The following MTHFSD variants were observed in gnomAD, a reference collection of about 807,000 sequenced individuals.
MTHFSD encodes methenyltetrahydrofolate synthetase domain containing.
Under a neutral mutation model 31.1 loss-of-function variants are expected in MTHFSD, and 37 were observed. The ratio of observed to expected loss-of-function variants is 1.19; its 90% CI spans 0.91 to 1.56. MTHFSD has a LOEUF of 1.56. MTHFSD is among the 40% of genes most tolerant of loss of function. The pLI is 0.00. For missense variants in MTHFSD, 664 were observed against 510.1 expected, an observed-to-expected ratio of 1.30 and a Z score of -2.91; for synonymous variants, 221 against 206.9, an observed-to-expected ratio of 1.07 and a Z score of -0.59.
chr16:86,547,199 T>C lies in MTHFSD; in HGVS notation c.352-550A>G, dbSNP rs28718383. The stretch of plus-strand genomic sequence containing the variant: ...AATCCTGAAGGCCACTATCTTTATG[T>C]ACAATATACTCGCTTCTAAAAAATT... On this transcript the variant is annotated intron_variant, in intron 4 of 7. Transcript: ENST00000360900. 1,443 of 986,882 alleles carry C rather than the reference T, an allele frequency of 1.5e-3. 20 individuals carry two copies. In the African/African-American group the frequency reaches 0.024, roughly 16 times the overall value. The allele number at this position is 986,882 out of a possible 1,614,324, so 61.1% of individuals were successfully genotyped here.
At chr16:86,548,260 T>C in intron 4 of MTHFSD, 1 of 921,504 alleles carries the variant, frequency 1.1e-6, no homozygotes, top group South Asian at 1.7e-5. Context: ...AAATAGAAAC[T>C]GAGTTACAGA....
chr16:86,548,504 C>G lies in MTHFSD; in HGVS notation c.311G>C (p.Gly104Ala), dbSNP rs1445792591. 1.2e-5 allele frequency: 19 copies of G among 1,613,738 alleles called. No individual in the cohort carries two copies. Among genetic ancestry groups the G allele is most frequent in the Non-Finnish European group, 1.6e-5 (19 of 1,179,918 alleles). ...GLFNKITPPPGATKDILRKCA... is the reference protein window; with the variant it reads ...GLFNKITPPPAATKDILRKCA... ...TTTTCTCAAGATGTCTTTAGTTGCCCCAGGGGGTGGTGTGATCTTATTAAA... is the reference window on the plus strand; with the variant it reads ...TTTTCTCAAGATGTCTTTAGTTGCCGCAGGGGGTGGTGTGATCTTATTAAA... Residue 104 changes from glycine to alanine, a missense_variant, in exon 4 of 8, where the codon GGG becomes GCG. Gly to Ala is a moderately conservative substitution (Grantham distance 60). Transcript: ENST00000360900.
rs1222657426 is a variant in MTHFSD at position 86,537,976 on chromosome 16, T to G, written c.681+3721A>C. Among the ~76,000 whole-genome samples the G allele has an allele frequency of 2.6e-5, 4 of 152,258 alleles. No homozygotes were observed. In the East Asian group the frequency reaches 7.7e-4, roughly 29 times the overall value. On this transcript the variant is annotated intron_variant, in intron 7 of 7. Transcript: ENST00000360900. ...GTAATCAGGAGCCATGTGCTGATGG[T>G]GAGGAGCACAGGACGGGTGAGAAGA...
At chr16:86,546,026 C>G (rs1233586157) in intron 5 of MTHFSD, among the ~76,000 whole-genome samples, 3 of 152,228 alleles carry the variant, frequency 2.0e-5, no homozygotes, top group Admixed American at 1.3e-4. Context: ...GCCTTGTGGA[C>G]CGAGAGCAGC....
chr16:86,552,203 T>C, intron 2 of MTHFSD, 57 bp from the exon 3 acceptor site: 1 of 1,613,880 alleles, frequency 6.2e-7, no homozygotes. Flanking sequence ...AGCGAGCACT[T>C]TTCTGGGGGG....
intron 7 of MTHFSD, among the ~76,000 whole-genome samples, chr16:86,534,768 C>T (rs900788928): frequency 8.5e-5 from 13 of 152,194 alleles, no homozygotes; most frequent in Admixed American, 2.6e-4. Context: ...GAGTACAGCA[C>T]CAGAAGCCTT....
chr16:86,554,903 C>G, intron 1 of MTHFSD, 152 bp from the exon 2 acceptor site: 1 of 1,069,016 alleles, frequency 9.4e-7, no homozygotes, highest in Non-Finnish European at 1.3e-6. Flanking sequence ...TCAAGGGGCC[C>G]ACGGGCTCCC....
chr16:86,552,028 A>T lies in MTHFSD; in HGVS notation c.237+5T>A. 6.2e-7 allele frequency: 1 copy of T among 1,614,154 alleles called. No homozygotes were observed. Among genetic ancestry groups the T allele is most frequent in the East Asian group, 2.2e-5 (1 of 44,876 alleles). ...TCTCGGCTCGGCTCAGGGAAGTGGAATTACCTGCAGCACCAGCAGCCGAAC... is the reference window on the plus strand; with the variant it reads ...TCTCGGCTCGGCTCAGGGAAGTGGATTTACCTGCAGCACCAGCAGCCGAAC... On this transcript the variant is annotated splice_donor_5th_base_variant and intron_variant, in intron 3 of 7. Coordinates refer to ENST00000360900, the MANE Select transcript of MTHFSD (RefSeq NM_001159377.2).
rs1306640864 is a variant in MTHFSD at position 86,531,019 on chromosome 16, GCGCGTGCACGGGC to G, written c.*979_*991del. ...GTGTCCCGAGAACATTTTCTTGAAA[GCGCGTGCACGGGC>G]CGCCCTCTCGAGGCATCGTAATGTG... is the stretch of plus-strand genomic sequence containing the variant. On this transcript the variant is annotated 3_prime_UTR_variant, in exon 8 of 8. Transcript: ENST00000360900. This position sits in a 1 kb window ranked among gnomAD's most constrained non-coding sequence, Gnocchi z 5.5. 6.6e-6 allele frequency: 1 copy of G among 152,204 alleles called. No homozygotes were observed. Among genetic ancestry groups the G allele is most frequent in the Non-Finnish European group, 1.5e-5 (1 of 68,052 alleles). The allele number at this position is 152,204 out of a possible 1,614,324, so 9.4% of individuals were successfully genotyped here.
chr16:86,532,562 A>G (rs1173944756), intron 7 of MTHFSD, 81 bp from the exon 8 acceptor site: 1 of 1,168,950 alleles, frequency 8.6e-7, no homozygotes, highest in East Asian at 3.0e-5. Flanking sequence ...ACCTCTGACT[A>G]CTGGCTGTGC....
chr16:86,543,227 A>G (rs527248164), intron 5 of MTHFSD, among the ~76,000 whole-genome samples: 11 of 152,368 alleles, frequency 7.2e-5, no homozygotes, highest in African/African-American at 2.6e-4. Context: ...TCACTAGCGG[A>G]CTGCTCAAAG....
chr16:86,531,916 G>T lies in MTHFSD; in HGVS notation c.*95C>A. 1.2e-6 allele frequency: 1 copy of T among 846,520 alleles called. No homozygotes were observed. The highest frequency in any genetic ancestry group is 1.7e-6 in the Non-Finnish European group (1 of 596,986). The allele number at this position is 846,520 out of a possible 1,614,324, so 52.4% of individuals were successfully genotyped here. A position where few individuals can be genotyped will look rare whatever the true frequency, so the allele number is the denominator to read the frequency against. ...GCAGCTCAGGCGGTGGCTCCGACACGTCTTGCCACGCAGGCCTCTCGAGTG... is the reference window on the plus strand; with the variant it reads ...GCAGCTCAGGCGGTGGCTCCGACACTTCTTGCCACGCAGGCCTCTCGAGTG... On this transcript the variant is annotated 3_prime_UTR_variant, in exon 8 of 8. Coordinates refer to ENST00000360900, the MANE Select transcript of MTHFSD (RefSeq NM_001159377.2). The surrounding 1 kb of genome is among the most constrained non-coding windows in gnomAD (Gnocchi z 5.5).
chr16:86,540,609 C>T (rs2143555310), intron 7 of MTHFSD: 1 of 923,842 alleles, frequency 1.1e-6, no homozygotes, highest in African/African-American at 1.8e-5. Flanking sequence ...CATCCCTGTT[C>T]TCGGCTCTGA....
Position 86,546,554 on chromosome 16 carries a change from C to T in MTHFSD, c.442+5G>A, listed in dbSNP as rs757236021. 1 of 1,613,748 alleles carries T rather than the reference C, an allele frequency of 6.2e-7. No homozygotes were observed. Among genetic ancestry groups the T allele is most frequent in the Non-Finnish European group, 8.5e-7 (1 of 1,179,814 alleles). ...CACTCAAGGGTTCCCATCTGCTAGTCTTACCTTTTTCAGAAACGGCGACGG... is the reference window on the plus strand; with the variant it reads ...CACTCAAGGGTTCCCATCTGCTAGTTTTACCTTTTTCAGAAACGGCGACGG... On this transcript the variant is annotated splice_donor_5th_base_variant and intron_variant, in intron 5 of 7. Transcript: ENST00000360900.
chr16:86,542,463 C>A lies in MTHFSD; in HGVS notation c.443-250G>T. The A allele has an allele frequency of 2.2e-6, 1 of 456,512 alleles. No homozygotes were observed. The highest frequency in any genetic ancestry group is 3.9e-6 in the Non-Finnish European group (1 of 256,546). 28.3% of individuals were successfully genotyped at this position (456,512 alleles called of 1,614,324 possible). A position where few individuals can be genotyped will look rare whatever the true frequency, so the allele number is the denominator to read the frequency against. Reference sequence around the variant, plus strand: ...AACTACAATGACGTGAACACTGGACCGTTCAAGCATGTCACAAAGGGAAAC... The same window carrying A: ...AACTACAATGACGTGAACACTGGACAGTTCAAGCATGTCACAAAGGGAAAC... On this transcript the variant is annotated intron_variant, in intron 5 of 7. Coordinates refer to ENST00000360900, the MANE Select transcript of MTHFSD (RefSeq NM_001159377.2). This position sits in a 1 kb window ranked among gnomAD's most constrained non-coding sequence, Gnocchi z 4.6.
In MTHFSD at chr16:86,532,398, G is replaced by A. The variant is rs564107454; in HGVS notation, c.765C>T (p.Leu255=). 8 of 1,541,732 alleles carry A rather than the reference G, an allele frequency of 5.2e-6. No individual in the cohort carries two copies. Among genetic ancestry groups the A allele is most frequent in the Non-Finnish European group, 7.0e-6 (8 of 1,145,968 alleles). Residue 255 remains leucine, a synonymous_variant, in exon 8 of 8, where the codon CTC becomes CTT. Transcript: ENST00000360900. ...CCGGAAGGTGCTGGTGCTCACCCTG[G>A]AGGGTGACATCCTTCCCAGCCTGCT... The part of the protein sequence containing the change: ...REQQAGKDVT[L]QGEHQHLPEP...
intron 7 of MTHFSD, chr16:86,533,852 T>C (rs1210976172): frequency 3.3e-5 from 5 of 152,250 alleles, no homozygotes; most frequent in African/African-American, 1.2e-4. Context: ...GCCAAGTGCA[T>C]TCCTGCAAAC....
rs186346496 is a variant in MTHFSD at position 86,531,128 on chromosome 16, A to T, written c.*883T>A. 12 of 152,360 alleles carry T rather than the reference A, an allele frequency of 7.9e-5. No homozygotes were observed. The East Asian group carries it at 2.3e-3, about 29-fold the overall frequency. 9.4% of individuals were successfully genotyped at this position (152,360 alleles called of 1,614,324 possible). ...TTCCAAAGCATATACATTTGAAAAAAACAAAATCTCCACTTAAAAGCTTAT... is the reference window on the plus strand; with the variant it reads ...TTCCAAAGCATATACATTTGAAAAATACAAAATCTCCACTTAAAAGCTTAT... On this transcript the variant is annotated 3_prime_UTR_variant, in exon 8 of 8. Transcript: ENST00000360900. The surrounding 1 kb of genome is among the most constrained non-coding windows in gnomAD (Gnocchi z 5.5).
chr16:86,553,970 C>G (rs960752962), intron 2 of MTHFSD, among the ~76,000 whole-genome samples: 1 of 152,188 alleles, frequency 6.6e-6, no homozygotes, highest in Non-Finnish European at 1.5e-5. Flanking sequence ...ACTTTTGTGT[C>G]TAGCTCAGGG....
Sources: allele counts gnomAD v4.1 joint callset (sites outside exome capture counted in the v4.1 genomes callset), GRCh38; gene constraint gnomAD v4.1.1; non-coding constraint Gnocchi (gnomAD v3.1); transcripts MANE v1.5; gene names NCBI Gene and HGNC (gene_info 2026-07-23, HGNC 2026-07-21).